Variants in UHRF2 observed in about 807,000 individuals in gnomAD.
UHRF2 encodes E3 ubiquitin-protein ligase UHRF2.
Under a neutral mutation model 96.8 loss-of-function variants are expected in UHRF2, and 23 were observed. That is an observed-to-expected ratio of 0.24 (90% confidence interval 0.17 to 0.34). The LOEUF is 0.34. Among genes scored for constraint, UHRF2 ranks in the 10% least tolerant of loss-of-function variants. The pLI, the probability that UHRF2 is intolerant of heterozygous loss-of-function variation, is 1.00. For missense variants in UHRF2, 685 were observed against 981.5 expected, an observed-to-expected ratio of 0.70 and a Z score of 4.04; for synonymous variants, 385 against 332.6, an observed-to-expected ratio of 1.16 and a Z score of -1.72.
intron 3 of UHRF2, among the ~76,000 whole-genome samples, chr9:6,442,840 A>T (rs530762046): frequency 1.3e-5 from 2 of 152,306 alleles, no homozygotes; most frequent in East Asian, 3.9e-4. Flanking sequence ...TTTAGGCCAT[A>T]GTTACCACAC....
chr9:6,418,842 C>G (rs976204187), intron 1 of UHRF2, among the ~76,000 whole-genome samples: 1 of 152,164 alleles, frequency 6.6e-6, no homozygotes, highest in Non-Finnish European at 1.5e-5. Flanking sequence ...TAGAAATTTA[C>G]TGTCTCACAG....
At chr9:6,426,991 A>ACCTCAGGTGATCT (rs1488480584) in intron 2 of UHRF2, among the ~76,000 whole-genome samples, 2 of 151,370 alleles carry the variant, frequency 1.3e-5, no homozygotes, top group Non-Finnish European at 3.0e-5. Context: ...TCAGGTGATC[A>ACCTCAGGTGATCT]CCTGCCTCGG....
chr9:6,459,071 G>A (rs940583733), intron 3 of UHRF2, among the ~76,000 whole-genome samples: 1 of 152,142 alleles, frequency 6.6e-6, no homozygotes, highest in Non-Finnish European at 1.5e-5. Context: ...CTGTCGGAGG[G>A]TAGGGGGCTA....
At chr9:6,429,169 A>G (rs552416431) in intron 2 of UHRF2, among the ~76,000 whole-genome samples, 2 of 148,138 alleles carry the variant, frequency 1.4e-5, no homozygotes, top group Middle Eastern at 3.5e-3. Flanking sequence ...TGTCTCAGGA[A>G]AAAAAAAAAA....
At chr9:6,430,227 CT>C (rs1820491853) in intron 2 of UHRF2, among the ~76,000 whole-genome samples, 1 of 152,166 alleles carries the variant, frequency 6.6e-6, no homozygotes, top group Admixed American at 6.5e-5. Context: ...CCGGGCTGGT[CT>C]TGAACTCCTG....
At chr9:6,425,638 C>G (rs917784810) in intron 2 of UHRF2, among the ~76,000 whole-genome samples, 1 of 152,122 alleles carries the variant, frequency 6.6e-6, no homozygotes, top group African/African-American at 2.4e-5. Flanking sequence ...TGGCACATGC[C>G]TGTAATCCCA....
At chr9:6,470,812 A>G (rs1168703652) in intron 4 of UHRF2, among the ~76,000 whole-genome samples, 1 of 152,180 alleles carries the variant, frequency 6.6e-6, no homozygotes, top group Non-Finnish European at 1.5e-5. Context: ...ACAAATTAAC[A>G]CACTGAAAGT....
chr9:6,494,096 CAT>C (rs1398838940), intron 10 of UHRF2, 164 bp downstream of exon 10: 2 of 595,594 alleles, frequency 3.4e-6, no homozygotes, highest in Non-Finnish European at 5.8e-6. Context: ...AGCATCCTAA[CAT>C]ATCTTTATAC....
chr9:6,478,684 G>A (rs1050939116), intron 6 of UHRF2, among the ~76,000 whole-genome samples: 2 of 152,264 alleles, frequency 1.3e-5, no homozygotes, highest in East Asian at 3.9e-4. Flanking sequence ...TAAGACGGAC[G>A]ACTGAGTCAG....
At chr9:6,466,539 C>CA (rs1359037277) in intron 4 of UHRF2, among the ~76,000 whole-genome samples, 2,382 of 37,982 alleles carry the variant, frequency 0.063, 76 homozygotes, top group African/African-American at 0.19. Flanking sequence ...GACTCTATCT[C>CA]AAAAAAAAAA....
chr9:6,474,058 A>G (rs561535225), intron 4 of UHRF2, among the ~76,000 whole-genome samples: 31 of 152,332 alleles, frequency 2.0e-4, no homozygotes, highest in African/African-American at 7.5e-4. Context: ...GACAAGTGAC[A>G]TGAAAAAAAT....
chr9:6,421,833 T>TAA lies in UHRF2; in HGVS notation c.384+692_384+693insAA, dbSNP rs569927990. The stretch of plus-strand genomic sequence containing the variant: ...CTTTTTGTTTTTTATTTTTGCTACT[T>TAA]ACGTATATTTCTCTAGGCAGTATGT... On this transcript the variant is annotated intron_variant, in intron 2 of 15. Coordinates refer to ENST00000276893, the MANE Select transcript of UHRF2 (RefSeq NM_152896.3). Among the ~76,000 whole-genome samples the TAA allele has an allele frequency of 5.1e-4, 78 of 152,338 alleles. 2 individuals carry two copies. The highest frequency in any genetic ancestry group is 2.2e-3 in the Admixed American group (34 of 15,302).
chr9:6,498,878 G>C (rs1178146613), intron 12 of UHRF2: 1 of 152,226 alleles, frequency 6.6e-6, no homozygotes, highest in Non-Finnish European at 1.5e-5. Flanking sequence ...TGCCCACACT[G>C]CATGTGTAGG....
intron 2 of UHRF2, among the ~76,000 whole-genome samples, chr9:6,428,004 G>C (rs1481921311): frequency 6.6e-6 from 1 of 152,178 alleles, no homozygotes; most frequent in Non-Finnish European, 1.5e-5. Context: ...TATGATGCCA[G>C]AAAGATCGTA....
At chr9:6,451,400 T>G (rs547527922) in intron 3 of UHRF2, among the ~76,000 whole-genome samples, 1 of 152,328 alleles carries the variant, frequency 6.6e-6, no homozygotes, top group South Asian at 2.1e-4. Context: ...CAAAACAAAA[T>G]ATACTAAGAG....
intron 4 of UHRF2, among the ~76,000 whole-genome samples, chr9:6,474,871 A>G (rs763214940): frequency 6.6e-6 from 1 of 152,168 alleles, no homozygotes. Flanking sequence ...TTTGCCTAGA[A>G]ATTATATTTA....
chr9:6,445,029 A>G, intron 3 of UHRF2, among the ~76,000 whole-genome samples: 1 of 150,406 alleles, frequency 6.6e-6, no homozygotes, highest in Non-Finnish European at 1.5e-5. Context: ...GGTGGCTCAC[A>G]CCTGTAATCC....
intron 14 of UHRF2, among the ~76,000 whole-genome samples, chr9:6,502,643 G>A (rs938899800): frequency 3.9e-5 from 6 of 152,190 alleles, no homozygotes; most frequent in African/African-American, 9.6e-5. Context: ...CTGTAGGAAC[G>A]TAAGTTCCAG....
intron 2 of UHRF2, among the ~76,000 whole-genome samples, chr9:6,425,495 C>T (rs1034953219): frequency 6.6e-6 from 1 of 152,098 alleles, no homozygotes; most frequent in Non-Finnish European, 1.5e-5. Flanking sequence ...TGGCTCATGC[C>T]TGTAATCCCA....
Sources: allele counts gnomAD v4.1 joint callset (sites outside exome capture counted in the v4.1 genomes callset), GRCh38; gene constraint gnomAD v4.1.1; transcripts MANE v1.5; gene names NCBI Gene and HGNC (gene_info 2026-07-23, HGNC 2026-07-21).